FAM83B: variants seen among roughly 807,000 people sequenced by gnomAD.
FAM83B encodes the protein protein FAM83B.
Under a neutral mutation model 38.8 loss-of-function variants are expected in FAM83B, and 26 were observed. The observed-to-expected ratio is 0.67, with a 90% CI of 0.49 to 0.93. The LOEUF (loss-of-function observed/expected upper bound fraction) is 0.93, where lower values mean the gene tolerates loss of function less well. Among genes scored for constraint, FAM83B ranks in the 40% least tolerant of loss-of-function variants. The probability of loss-of-function intolerance (pLI) is 0.00; values close to 1 mark genes in which losing one functional copy is unlikely to be tolerated. For missense variants in FAM83B, 1,237 were observed against 1,197.3 expected (o/e 1.03, Z -0.49); for synonymous variants, 419 against 423.1 (o/e 0.99, Z 0.12).
rs1484728665 is a variant in FAM83B, at chr6:54,941,019, A to T, written c.2048A>T (p.Tyr683Phe). 2 of 1,613,904 alleles carry T rather than the reference A, an allele frequency of 1.2e-6. No homozygotes were observed. The highest frequency in any genetic ancestry group is 1.7e-6 in the Non-Finnish European group (2 of 1,180,002). ...TTAGATCCTGGAAATAGTAAGCATT[A>T]TGTATATAGTACACTTACCAGGAAT... ...ANLDPGNSKHYVYSTLTRNRV... is the reference protein window; with the variant it reads ...ANLDPGNSKHFVYSTLTRNRV... The change falls in exon 5 of 5, where the codon TAT becomes TTT. Residue 683 changes from tyrosine to phenylalanine, a missense_variant. Transcript: ENST00000306858.
chr6:54,936,181 TC>T (rs1157247473), intron 4 of FAM83B, among the ~76,000 whole-genome samples: 1 of 152,128 alleles, frequency 6.6e-6, no homozygotes, highest in Non-Finnish European at 1.5e-5. Flanking sequence ...CTGAATATAT[TC>T]AATGAATGTC....
chr6:54,932,208 C>T (rs963533885), intron 4 of FAM83B, among the ~76,000 whole-genome samples: 4 of 152,014 alleles, frequency 2.6e-5, no homozygotes, highest in Non-Finnish European at 4.4e-5. Context: ...AACTGGGTTT[C>T]ACCATGTTAG....
chr6:54,869,022 A>G (rs968318975), intron 1 of FAM83B, among the ~76,000 whole-genome samples: 1 of 152,194 alleles, frequency 6.6e-6, no homozygotes, highest in Non-Finnish European at 1.5e-5. Flanking sequence ...AAAAGACTGG[A>G]AAGTCCATCA....
chr6:54,914,777 C>T (rs1772997133), intron 2 of FAM83B, among the ~76,000 whole-genome samples: 1 of 152,076 alleles, frequency 6.6e-6, no homozygotes, highest in Admixed American at 6.5e-5. Flanking sequence ...CTGGCAAGCC[C>T]ACAATCTGAG....
Position 54,941,101 on chromosome 6 carries a change from G to A in FAM83B, c.2130G>A (p.Met710Ile). The A allele has an allele frequency of 6.2e-7, 1 of 1,613,458 alleles. No homozygotes were observed. The highest frequency in any genetic ancestry group is 8.5e-7 in the Non-Finnish European group (1 of 1,179,856). The change falls in exon 5 of 5, where the codon ATG (methionine) becomes ATA (isoleucine). Residue 710 changes from methionine (M) to isoleucine (I), a missense_variant. Coordinates refer to ENST00000306858, the MANE Select transcript of FAM83B (RefSeq NM_001010872.3). ...ATTTGCTGAAAAGTTCTAAAAGCAT[G>A]CACAATGTGACTCATAACTTGGAGG... ...KEDLLKSSKS[M>I]HNVTHNLEED... is the part of the protein sequence containing the mutation.
chr6:54,902,832 G>A (rs1397129467), intron 2 of FAM83B, among the ~76,000 whole-genome samples: 1 of 152,124 alleles, frequency 6.6e-6, no homozygotes, highest in African/African-American at 2.4e-5. Flanking sequence ...CTCTCTCTGT[G>A]TACAAGAATC....
intron 2 of FAM83B, among the ~76,000 whole-genome samples, chr6:54,876,516 G>C (rs1772001312): frequency 6.6e-6 from 1 of 150,860 alleles, no homozygotes; most frequent in African/African-American, 2.4e-5. Flanking sequence ...GTAGAGACAG[G>C]GTTTCGTCAT....
intron 2 of FAM83B, among the ~76,000 whole-genome samples, chr6:54,887,878 G>A (rs919817455): frequency 2.0e-5 from 3 of 151,622 alleles, no homozygotes; most frequent in African/African-American, 7.3e-5. Context: ...ATTATGGTAT[G>A]TTCCCTATAA....
At chr6:54,925,248 C>G (rs1773261808) in intron 2 of FAM83B, among the ~76,000 whole-genome samples, 1 of 152,138 alleles carries the variant, frequency 6.6e-6, no homozygotes, top group Non-Finnish European at 1.5e-5. Flanking sequence ...AACCCATGAT[C>G]CCCTATTCTG....
intron 2 of FAM83B, among the ~76,000 whole-genome samples, chr6:54,876,781 GTA>G (rs1772008090): frequency 6.6e-6 from 1 of 152,026 alleles, no homozygotes; most frequent in African/African-American, 2.4e-5. Context: ...CACATGGTGT[GTA>G]TAGTCCTCTG....
chr6:54,901,551 A>G (rs1163119302), intron 2 of FAM83B, among the ~76,000 whole-genome samples: 2 of 152,204 alleles, frequency 1.3e-5, no homozygotes, highest in East Asian at 3.8e-4. Context: ...TAAAAAGTTA[A>G]TAACTTATAG....
chr6:54,914,135 GGT>G (rs1772982336), intron 2 of FAM83B, among the ~76,000 whole-genome samples: 1 of 151,636 alleles, frequency 6.6e-6, no homozygotes, highest in South Asian at 2.1e-4. Flanking sequence ...CTCCTTTTTT[GGT>G]AAATAGTGGT....
In FAM83B at chr6:54,909,667, C is replaced by T. The variant is rs112528880; in HGVS notation, c.445-16704C>T. Among the ~76,000 whole-genome samples, 1,159 of 152,148 alleles carry T rather than the reference C, an allele frequency of 7.6e-3. 18 individuals are homozygous for T. Among genetic ancestry groups the T allele is most frequent in the African/African-American group, 0.027 (1,112 of 41,502 alleles). Reference sequence around the variant, plus strand: ...ATACAGCAATGACTTAGGTCCACACCTACCCTCAAGTAACTTATTGCCCCC... The same window carrying T: ...ATACAGCAATGACTTAGGTCCACACTTACCCTCAAGTAACTTATTGCCCCC... On this transcript the variant is annotated intron_variant, in intron 2 of 4. Transcript: ENST00000306858.
intron 2 of FAM83B, among the ~76,000 whole-genome samples, chr6:54,924,770 G>C (rs145447448): frequency 1.0e-3 from 153 of 152,048 alleles, no homozygotes; most frequent in African/African-American, 3.5e-3. Context: ...CCAGTATCTG[G>C]CTATCTCTTT....
rs573947167 is a variant in FAM83B at position 54,879,866 on chromosome 6, T to G, written c.444+9176T>G. Among the ~76,000 whole-genome samples, 17 of 152,340 alleles carry G rather than the reference T, an allele frequency of 1.1e-4. No individual in the cohort carries two copies. The East Asian group carries it at 3.3e-3, about 29-fold the overall frequency. ...GGTCAGCAACAAGCTGACAATAGGC[T>G]GAAGCTGACGTCCAATAGCAAACAA... On this transcript the variant is annotated intron_variant, in intron 2 of 4. Transcript: ENST00000306858.
chr6:54,935,860 T>A (rs1773514111), intron 4 of FAM83B, among the ~76,000 whole-genome samples: 1 of 152,112 alleles, frequency 6.6e-6, no homozygotes, highest in Non-Finnish European at 1.5e-5. Context: ...CAAAGATGAC[T>A]GCTTGTTTCC....
intron 4 of FAM83B, among the ~76,000 whole-genome samples, chr6:54,930,756 GT>G (rs1773402273): frequency 6.6e-6 from 1 of 151,470 alleles, no homozygotes; most frequent in South Asian, 2.1e-4. Flanking sequence ...GTTTTTTCTA[GT>G]TTCTTGAGGT....
intron 1 of FAM83B, among the ~76,000 whole-genome samples, chr6:54,865,376 G>A (rs1019411941): frequency 6.6e-6 from 1 of 152,138 alleles, no homozygotes; most frequent in Non-Finnish European, 1.5e-5. Flanking sequence ...ATAGACACAA[G>A]TCATATAGTC....
At chr6:54,866,234 T>C (rs543179914) in intron 1 of FAM83B, among the ~76,000 whole-genome samples, 1 of 151,858 alleles carries the variant, frequency 6.6e-6, no homozygotes, top group African/African-American at 2.4e-5. Context: ...CTCATGACAT[T>C]GCTCATCAGT....
Sources: gnomAD v4.1 joint callset for allele counts (sites outside exome capture counted in the v4.1 genomes callset) on GRCh38, gnomAD v4.1.1 for gene constraint, MANE v1.5 for transcripts, NCBI Gene and HGNC (gene_info 2026-07-23, HGNC 2026-07-21) for gene names.